The following PUM1 variants were observed in gnomAD, a reference collection of about 807,000 sequenced individuals.
PUM1 encodes pumilio RNA binding family member 1.
Under a neutral mutation model 131.8 loss-of-function variants are expected in PUM1, and 13 were observed. The observed-to-expected ratio is 0.10, with a 90% CI of 0.06 to 0.16. The LOEUF is 0.16. Ranked by LOEUF, PUM1 falls within the 10% of genes least tolerant of loss-of-function variation. The pLI, the probability that PUM1 is intolerant of heterozygous loss-of-function variation, is 1.00. For synonymous variants in PUM1, 509 were observed against 556.5 expected, an observed-to-expected ratio of 0.91 and a Z score of 1.20; for missense variants, 961 against 1,512.4, an observed-to-expected ratio of 0.64 and a Z score of 6.05.
At chr1:30,974,855 C>A in intron 9 of PUM1, 53 bp from the exon 10 acceptor site, 1 of 1,464,470 alleles carries the variant, frequency 6.8e-7, no homozygotes, top group South Asian at 1.3e-5. Flanking sequence ...AGGCTCATCT[C>A]AGCCTTTCCA....
chr1:31,048,316 C>G (rs1461985408), intron 2 of PUM1, among the ~76,000 whole-genome samples: 2 of 151,556 alleles, frequency 1.3e-5, no homozygotes, highest in Admixed American at 6.6e-5. Flanking sequence ...TTACAAAGCA[C>G]TTCAACCACA....
chr1:30,998,761 G>A (rs1469447149), intron 5 of PUM1, among the ~76,000 whole-genome samples: 1 of 152,186 alleles, frequency 6.6e-6, no homozygotes, highest in African/African-American at 2.4e-5. Context: ...TACAGTGAAT[G>A]CTCAGAACAA....
At chr1:31,001,392 T>C (rs1229216922) in intron 5 of PUM1, among the ~76,000 whole-genome samples, 1 of 151,858 alleles carries the variant, frequency 6.6e-6, no homozygotes. Context: ...AATTCAAATA[T>C]TAAAAATTAT....
intron 3 of PUM1, among the ~76,000 whole-genome samples, chr1:31,009,113 T>G (rs1570262433): frequency 6.8e-6 from 1 of 146,068 alleles, no homozygotes; most frequent in Non-Finnish European, 1.5e-5. Context: ...AACCCAGGAG[T>G]GGGAGGGTGC....
At chr1:31,000,408 G>C (rs1642165758) in intron 5 of PUM1, among the ~76,000 whole-genome samples, 1 of 152,142 alleles carries the variant, frequency 6.6e-6, no homozygotes, top group Non-Finnish European at 1.5e-5. Context: ...AACCAAGATG[G>C]GTGCTGAGAG....
At chr1:31,017,558 G>A (rs1335826264) in intron 3 of PUM1, among the ~76,000 whole-genome samples, 1 of 151,336 alleles carries the variant, frequency 6.6e-6, no homozygotes, top group Non-Finnish European at 1.5e-5. Context: ...TATCACTAGT[G>A]ATAGTGTATT....
chr1:31,005,889 T>C lies in PUM1; in HGVS notation c.684A>G (p.Ser228=). The stretch of plus-strand genomic sequence containing the variant: ...TTCTTAGACAGGAATCGCCCGGGGA[T>C]GAGCTCAACACATACTCCACCATGC... ...GVSMVEYVLS[S]SPGDSCLRKG... Residue 228 remains serine (S), a synonymous_variant, in exon 5 of 22, where the codon TCA becomes TCG. Coordinates refer to ENST00000426105, the MANE Select transcript of PUM1 (RefSeq NM_001020658.2). The C allele has an allele frequency of 6.2e-7, 1 of 1,609,156 alleles. No homozygotes were observed. Among genetic ancestry groups the C allele is most frequent in the Non-Finnish European group, 8.5e-7 (1 of 1,178,440 alleles).
intron 2 of PUM1, among the ~76,000 whole-genome samples, chr1:31,037,727 T>A (rs1643659711): frequency 6.7e-6 from 1 of 150,136 alleles, no homozygotes; most frequent in Admixed American, 6.6e-5. Flanking sequence ...AGAAGGAATA[T>A]AAGATTATTC....
At chr1:30,967,345 T>A in intron 11 of PUM1, 35 bp from the exon 12 acceptor site, 5 of 1,590,470 alleles carry the variant, frequency 3.1e-6, no homozygotes, top group African/African-American at 1.3e-5. Flanking sequence ...AATGTATATG[T>A]TAAACAAACA....
chr1:30,970,113 G>A (rs947736202), intron 10 of PUM1, among the ~76,000 whole-genome samples: 1 of 152,206 alleles, frequency 6.6e-6, no homozygotes, highest in Non-Finnish European at 1.5e-5. Context: ...AATTACTACA[G>A]TTCCTAACAA....
chr1:31,038,287 TGAGGGGG>T (rs1643683297), intron 2 of PUM1, among the ~76,000 whole-genome samples: 1 of 151,788 alleles, frequency 6.6e-6, no homozygotes, highest in Non-Finnish European at 1.5e-5. Flanking sequence ...CTCCATGAAC[TGAGGGGG>T]TAGAAATTAT....
At chr1:31,061,319 C>T (rs1014454986) in intron 1 of PUM1, among the ~76,000 whole-genome samples, 1 of 152,048 alleles carries the variant, frequency 6.6e-6, no homozygotes, top group Non-Finnish European at 1.5e-5. Context: ...AAATAAGGCT[C>T]TAAGAAGGCC....
In PUM1 at chr1:31,059,458, C is replaced by T; in HGVS notation, c.109G>A (p.Val37Ile). Residue 37 changes from valine (V) to isoleucine (I), a missense_variant, in exon 2 of 22, where the codon GTT becomes ATT. Val to Ile is a conservative substitution (Grantham distance 29, BLOSUM62 3). Transcript: ENST00000426105. ...TGCGACCCTGTTCCAGATGTCAAAACAACAGGCATGTTGGGATTAGCTGGT... is the reference window on the plus strand; with the variant it reads ...TGCGACCCTGTTCCAGATGTCAAAATAACAGGCATGTTGGGATTAGCTGGT... ...QEPANPNMPV[V>I]LTSGTGSQAQ... 1 of 1,614,216 alleles carries T rather than the reference C, an allele frequency of 6.2e-7. No individual in the cohort carries two copies. The highest frequency in any genetic ancestry group is 1.1e-5 in the South Asian group (1 of 91,092).
At chr1:30,994,789 C>A (rs532492357) in intron 6 of PUM1, among the ~76,000 whole-genome samples, 1 of 152,328 alleles carries the variant, frequency 6.6e-6, no homozygotes, top group South Asian at 2.1e-4. Flanking sequence ...CTGAAATAGT[C>A]TTCTCTGGAA....
intron 12 of PUM1, 184 bp downstream of exon 12, chr1:30,966,983 A>AC (rs1158291254): frequency 1.0e-4 from 66 of 642,766 alleles, no homozygotes; most frequent in African/African-American, 7.3e-4. Context: ...CAACCCACCA[A>AC]CCCCCCAACA....
At chr1:30,997,379 T>G (rs1257262133) in intron 5 of PUM1, among the ~76,000 whole-genome samples, 1 of 151,514 alleles carries the variant, frequency 6.6e-6, no homozygotes, top group African/African-American at 2.4e-5. Flanking sequence ...GCACCTGAAA[T>G]CCCAGCTACT....
In PUM1 at chr1:31,065,683, C is replaced by G. The variant is rs1323821335; in HGVS notation, c.-79G>C. 15 of 1,549,814 alleles carry G rather than the reference C, an allele frequency of 9.7e-6. No individual in the cohort carries two copies. The highest frequency in any genetic ancestry group is 5.9e-5 in the Admixed American group (3 of 50,952). ...TTCTCTCTCTGGCGCTCTCGCTCCC[C>G]CTTACCTTTCACTCCGACAACATGG... On this transcript the variant is annotated 5_prime_UTR_variant, in exon 1 of 22. Transcript: ENST00000426105.
rs780025045 is a variant in PUM1, at chr1:30,952,255, G to A, written c.2700C>T (p.Tyr900=). 26 of 1,613,916 alleles carry A rather than the reference G, an allele frequency of 1.6e-5. No homozygotes were observed. Among genetic ancestry groups the A allele is most frequent in the East Asian group, 4.5e-5 (2 of 44,900 alleles). ...YQLMVDVFGN[Y]VIQKFFEFGS... The stretch of plus-strand genomic sequence containing the variant: ...TTACTTCAAAGAACTTCTGAATGAC[G>A]TAATTACCAAACACATCCACCATGA... The change falls in exon 16 of 22, where the codon TAC becomes TAT. Residue 900 remains tyrosine (Y), a synonymous_variant. Transcript: ENST00000426105.
intron 17 of PUM1, among the ~76,000 whole-genome samples, chr1:30,948,192 G>A (rs1290911727): frequency 6.6e-6 from 1 of 151,990 alleles, no homozygotes; most frequent in Non-Finnish European, 1.5e-5. Flanking sequence ...TAGGAATGAT[G>A]GGAATTGTGG....
Sources: gnomAD v4.1 joint callset for allele counts (sites outside exome capture counted in the v4.1 genomes callset) on GRCh38, gnomAD v4.1.1 for gene constraint, MANE v1.5 for transcripts, NCBI Gene and HGNC (gene_info 2026-07-23, HGNC 2026-07-21) for gene names.